The following SAXO1 variants were observed in gnomAD, a reference collection of about 807,000 sequenced individuals.
SAXO1 encodes the protein 4930500O09Rik.
SAXO1 carries 21 observed loss-of-function variants against 17.5 expected under a neutral mutation model. The observed-to-expected ratio is 1.20, with a 90% CI of 0.85 to 1.72. The LOEUF (loss-of-function observed/expected upper bound fraction) is 1.72, where lower values mean the gene tolerates loss of function less well. SAXO1 is among the 40% of genes most tolerant of loss of function. The pLI is 0.00. For missense variants in SAXO1, 843 were observed against 596.0 expected (o/e 1.41, Z -4.32); for synonymous variants, 274 against 216.5 (o/e 1.27, Z -2.33).
At chr9:19,035,729 T>C (rs1375929102), upstream of SAXO1, among the ~76,000 whole-genome samples, 3 of 152,144 alleles carry the variant, frequency 2.0e-5, no homozygotes, top group Non-Finnish European at 4.4e-5. Flanking sequence ...GAGGAACTTG[T>C]TGGGAATGGA....
intron 1 of SAXO1, among the ~76,000 whole-genome samples, chr9:18,999,446 C>T (rs956755518): frequency 1.1e-4 from 16 of 151,074 alleles, no homozygotes; most frequent in African/African-American, 3.4e-4. Context: ...CGCCTCCACC[C>T]GGCTGCCCCA....
At chr9:19,000,360 C>A (rs891529171) in intron 1 of SAXO1, among the ~76,000 whole-genome samples, 10 of 150,882 alleles carry the variant, frequency 6.6e-5, no homozygotes, top group African/African-American at 2.2e-4. Flanking sequence ...AGGAGCCCCT[C>A]TGCCCGGCCA....
intron 3 of SAXO1, among the ~76,000 whole-genome samples, chr9:18,932,338 T>C (rs966633405): frequency 6.6e-6 from 1 of 152,242 alleles, no homozygotes; most frequent in Non-Finnish European, 1.5e-5. Context: ...TTAACGACAA[T>C]AGACATAAAG....
At chr9:19,036,990 G>C (rs1424080257), upstream of SAXO1, among the ~76,000 whole-genome samples, 1 of 152,200 alleles carries the variant, frequency 6.6e-6, no homozygotes, top group Admixed American at 6.5e-5. Context: ...TTCACCTCTT[G>C]CTTCAGCGTG....
chr9:19,012,068 T>A (rs759041834), intron 1 of SAXO1, among the ~76,000 whole-genome samples: 4 of 152,006 alleles, frequency 2.6e-5, no homozygotes, highest in African/African-American at 9.7e-5. Context: ...ATGGTCTCGA[T>A]CTCTTGACCT....
intron 1 of SAXO1, among the ~76,000 whole-genome samples, chr9:18,952,814 T>C (rs572503235): frequency 2.4e-4 from 37 of 152,370 alleles, no homozygotes; most frequent in Non-Finnish European, 5.1e-4. Flanking sequence ...CTTTTTCTTT[T>C]TCAGCATGCA....
rs1830869978 is a variant in SAXO1, at chr9:18,928,400, G to A, written c.1077C>T (p.Pro359=). ...SMRTEPVKPV[P]QLDLPTEPLD... The stretch of plus-strand genomic sequence containing the variant: ...GGGGCTCGGTGGGCAAGTCCAGCTG[G>A]GGAACGGGCTTGACTGGCTCTGTGC... Residue 359 remains proline, a synonymous_variant, in exon 4 of 4, where the codon CCC becomes CCT. Transcript: ENST00000380534. The A allele has an allele frequency of 6.2e-7, 1 of 1,610,768 alleles. No individual in the cohort carries two copies. The highest frequency in any genetic ancestry group is 8.5e-7 in the Non-Finnish European group (1 of 1,178,396).
At chr9:18,943,398 A>G (rs1156998733) in intron 2 of SAXO1, among the ~76,000 whole-genome samples, 2 of 152,262 alleles carry the variant, frequency 1.3e-5, no homozygotes, top group African/African-American at 4.8e-5. Flanking sequence ...CAAGCAGCCA[A>G]GGGTCAGCTC....
chr9:19,016,310 C>G (rs1834972943), intron 1 of SAXO1, among the ~76,000 whole-genome samples: 1 of 152,136 alleles, frequency 6.6e-6, no homozygotes, highest in Non-Finnish European at 1.5e-5. Context: ...GTGGTGCACG[C>G]CTGTAGTCCC....
rs755179335 is a variant in SAXO1 at position 18,928,135 on chromosome 9, G to A, written c.1342C>T (p.Gln448Ter). 1.9e-6 allele frequency: 3 copies of A among 1,614,186 alleles called. No homozygotes were observed. The highest frequency in any genetic ancestry group is 8.5e-7 in the Non-Finnish European group (1 of 1,180,028). ...LGHRIYKPVS[Q>*]AGSQQSSHLS... is the part of the protein sequence containing the mutation. ...TGGCTGCTCTGCTGAGAGCCTGCCT[G>A]GGAAACTGGTTTGTATATCCTGTGA... Residue 448 changes from glutamine (Q) to a stop codon, truncating the protein, a stop_gained, in exon 4 of 4, where the codon CAG becomes TAG. Transcript: ENST00000380534. LOFTEE classifies it low-confidence loss of function (END_TRUNC).
intron 1 of SAXO1, among the ~76,000 whole-genome samples, chr9:19,013,426 T>C (rs898788909): frequency 3.3e-5 from 5 of 152,078 alleles, no homozygotes; most frequent in African/African-American, 7.2e-5. Flanking sequence ...TTTTCCATGA[T>C]GGCTATAGAT....
intron 1 of SAXO1, among the ~76,000 whole-genome samples, chr9:18,991,688 A>C (rs1288945510): frequency 1.3e-5 from 2 of 152,240 alleles, no homozygotes; most frequent in African/African-American, 4.8e-5. Flanking sequence ...CACATTGTGC[A>C]CATGTACCCT....
intron 1 of SAXO1, among the ~76,000 whole-genome samples, chr9:18,982,466 T>A (rs549258346): frequency 6.6e-6 from 1 of 152,146 alleles, no homozygotes; most frequent in Admixed American, 6.5e-5. Flanking sequence ...CAAAGTACAA[T>A]GAAACACACA....
rs140538368 is a variant in SAXO1 at position 18,997,243 on chromosome 9, G to A, written c.38+35628C>T. 3.0e-3 allele frequency among the ~76,000 whole-genome samples: 461 copies of A among 152,346 alleles called. 8 individuals carry two copies. In the South Asian group the frequency reaches 0.044, roughly 15 times the overall value. ...GGAGGAACCGTACACTCCTGCCCAA[G>A]TACTGCACTTTTCCCACAGTCTTCA... On this transcript the variant is annotated intron_variant, in intron 1 of 3. Coordinates refer to ENST00000380534, the MANE Select transcript of SAXO1 (RefSeq NM_153707.4).
chr9:18,968,795 T>C (rs1056123323), intron 1 of SAXO1, among the ~76,000 whole-genome samples: 3 of 152,190 alleles, frequency 2.0e-5, no homozygotes, highest in South Asian at 2.1e-4. Context: ...GGCTTCCCCA[T>C]GTTGGCCAGG....
upstream of SAXO1, among the ~76,000 whole-genome samples, chr9:19,037,616 C>T (rs1291334965): frequency 6.6e-6 from 1 of 152,156 alleles, no homozygotes; most frequent in Non-Finnish European, 1.5e-5. Context: ...ATTCTGAGGC[C>T]TCCCCAGCCA....
At chr9:18,988,014 C>T (rs1464178878) in intron 1 of SAXO1, among the ~76,000 whole-genome samples, 2 of 152,190 alleles carry the variant, frequency 1.3e-5, no homozygotes, top group Non-Finnish European at 2.9e-5. Context: ...TAATGGTTCC[C>T]TTCAAGGGTA....
rs753642450 is a variant in SAXO1 at position 19,004,802 on chromosome 9, C to T, written c.38+28069G>A. 9.2e-5 allele frequency among the ~76,000 whole-genome samples: 14 copies of T among 152,224 alleles called. No individual in the cohort carries two copies. In the South Asian group the frequency reaches 1.2e-3, roughly 14 times the overall value. ...TGATGGGTGCAGCAGACCAACATGG[C>T]ACATGTGTATCTATGTAGCAAACCT... is the stretch of plus-strand genomic sequence containing the variant. On this transcript the variant is annotated intron_variant, in intron 1 of 3. Coordinates refer to ENST00000380534, the MANE Select transcript of SAXO1 (RefSeq NM_153707.4).
intron 1 of SAXO1, among the ~76,000 whole-genome samples, chr9:19,023,783 G>A (rs202186643): frequency 2.5e-5 from 1 of 40,692 alleles, no homozygotes; most frequent in South Asian, 6.0e-4. Context: ...GAAGAAAGAA[G>A]GAAGGAAGGG....
Sources: gnomAD v4.1 joint callset for allele counts (sites outside exome capture counted in the v4.1 genomes callset) on GRCh38, gnomAD v4.1.1 for gene constraint, MANE v1.5 for transcripts, NCBI Gene and HGNC (gene_info 2026-07-23, HGNC 2026-07-21) for gene names.